RARB: variants seen among roughly 807,000 people sequenced by gnomAD.
RARB encodes retinoic acid receptor beta, also known as HBV-activated protein.
RARB carries 17 observed loss-of-function variants against 51.9 expected under a neutral mutation model. That is an observed-to-expected ratio of 0.33 (90% CI 0.22 to 0.49). The LOEUF (loss-of-function observed/expected upper bound fraction) is 0.49, where lower values mean the gene tolerates loss of function less well. Ranked by LOEUF, RARB falls within the 20% of genes least tolerant of loss-of-function variation. The pLI is 0.99. For missense variants in RARB, 369 were observed against 550.8 expected, an observed-to-expected ratio of 0.67 and a Z score of 3.30; for synonymous variants, 215 against 195.4, an observed-to-expected ratio of 1.10 and a Z score of -0.84.
At position 25,023,788 on chromosome 3, in the gene RARB, A is replaced by T. The variant is rs529236605; in HGVS notation, c.-379-36337A>T. On this transcript the variant is annotated intron_variant, in intron 2 of 11. Coordinates refer to the RARB transcript ENST00000383772. ...AATAGATTAGAGCGGCTATCTAAACAGTTATTCAAATGACAACATAACAAT... is the reference window on the plus strand; with the variant it reads ...AATAGATTAGAGCGGCTATCTAAACTGTTATTCAAATGACAACATAACAAT... Among the ~76,000 whole-genome samples the T allele has an allele frequency of 4.6e-5, 7 of 152,340 alleles. No individual in the cohort carries two copies. In the South Asian group the frequency reaches 1.0e-3, roughly 23 times the overall value.
chr3:25,494,596 C>G (rs540067984), intron 2 of RARB, among the ~76,000 whole-genome samples: 6 of 152,310 alleles, frequency 3.9e-5, no homozygotes, highest in East Asian at 1.9e-4. Flanking sequence ...ATAGTGTTCA[C>G]TTGACTTACT....
rs961036633 is a variant in RARB at position 25,459,412 on chromosome 3, C to T, written c.158-1781C>T. Among the ~76,000 whole-genome samples, 12 of 152,040 alleles carry T rather than the reference C, an allele frequency of 7.9e-5. 1 individual carries two copies. The South Asian group carries it at 1.7e-3, about 21-fold the overall frequency. ...GAAGGAAATGATGCTGCTAAAATGC[C>T]GTGTGATGAAAAGTCTTGTAGAACA... On this transcript the variant is annotated intron_variant, in intron 1 of 7. Coordinates refer to ENST00000330688, the MANE Select transcript of RARB (RefSeq NM_000965.5).
intron 5 of RARB, among the ~76,000 whole-genome samples, chr3:25,196,073 AT>A (rs1053303854): frequency 2.8e-4 from 43 of 151,780 alleles, no homozygotes; most frequent in African/African-American, 1.0e-3. Flanking sequence ...CAGCTCTAAA[AT>A]TTTTTTACTT....
intron 5 of RARB, among the ~76,000 whole-genome samples, chr3:25,225,104 C>T (rs1443927159): frequency 6.6e-6 from 1 of 151,846 alleles, no homozygotes; most frequent in Non-Finnish European, 1.5e-5. Flanking sequence ...TTCGGGGTGC[C>T]CTTACCACTA....
intron 3 of RARB, among the ~76,000 whole-genome samples, chr3:25,079,863 C>T (rs1410649891): frequency 6.6e-6 from 1 of 152,134 alleles, no homozygotes; most frequent in Non-Finnish European, 1.5e-5. Flanking sequence ...GTTTTCTTAA[C>T]AGGATTATCC....
At chr3:24,934,579 T>C (rs763885825) in intron 2 of RARB, among the ~76,000 whole-genome samples, 2 of 152,222 alleles carry the variant, frequency 1.3e-5, no homozygotes, top group African/African-American at 4.8e-5. Flanking sequence ...TTTTGTAGTT[T>C]TATGCATGAG....
At chr3:25,069,775 C>T (rs150538587) in intron 3 of RARB, among the ~76,000 whole-genome samples, 5 of 152,256 alleles carry the variant, frequency 3.3e-5, no homozygotes, top group African/African-American at 1.2e-4. Flanking sequence ...TGTCTTGACC[C>T]TTCAGTAGCA....
At chr3:25,435,759 C>T (rs1708407381) in intron 1 of RARB, among the ~76,000 whole-genome samples, 2 of 151,990 alleles carry the variant, frequency 1.3e-5, no homozygotes, top group Non-Finnish European at 2.9e-5. Context: ...ATCAGATAAA[C>T]AACAAATAAT....
intron 2 of RARB, among the ~76,000 whole-genome samples, chr3:25,463,759 CAT>C (rs1457738970): frequency 2.0e-5 from 3 of 151,546 alleles, no homozygotes; most frequent in Admixed American, 6.6e-5. Flanking sequence ...TTTAAATAAA[CAT>C]ATGTATTATG....
chr3:24,950,760 A>G (rs990112460), intron 2 of RARB, among the ~76,000 whole-genome samples: 5 of 152,108 alleles, frequency 3.3e-5, no homozygotes, highest in Admixed American at 6.6e-5. Context: ...AGGATATCAT[A>G]TAAATATTAT....
intron 5 of RARB, chr3:25,324,260 G>C (rs1468243885): frequency 6.1e-6 from 1 of 164,146 alleles, no homozygotes; most frequent in Non-Finnish European, 1.3e-5. Context: ...AGTTGAAGAA[G>C]CTCAAGAAGG....
chr3:24,907,367 C>CATAG (rs1694889480), intron 2 of RARB, among the ~76,000 whole-genome samples: 1 of 152,116 alleles, frequency 6.6e-6, no homozygotes, highest in Non-Finnish European at 1.5e-5. Flanking sequence ...TGGCCTAGGG[C>CATAG]CACACTTAGT....
At chr3:24,846,519 C>T in intron 1 of RARB, among the ~76,000 whole-genome samples, 1 of 152,198 alleles carries the variant, frequency 6.6e-6, no homozygotes, top group East Asian at 1.9e-4. Flanking sequence ...AGGGAATATG[C>T]TCTTCCTTAG....
intron 5 of RARB, among the ~76,000 whole-genome samples, chr3:25,331,563 A>G (rs1042769894): frequency 3.7e-4 from 57 of 152,236 alleles, no homozygotes; most frequent in Non-Finnish European, 6.5e-4. Context: ...AATGCCCACA[A>G]GAGAAAGCAG....
At chr3:25,288,461 C>G (rs770036766) in intron 5 of RARB, among the ~76,000 whole-genome samples, 1 of 152,114 alleles carries the variant, frequency 6.6e-6, no homozygotes, top group Non-Finnish European at 1.5e-5. Flanking sequence ...TTCTTTGGTG[C>G]AGAACGTTCT....
intron 5 of RARB, among the ~76,000 whole-genome samples, chr3:25,378,508 A>C (rs1174957533): frequency 6.6e-6 from 1 of 152,244 alleles, no homozygotes; most frequent in Non-Finnish European, 1.5e-5. Flanking sequence ...ATTCTATTTA[A>C]ACTTTGTAAA....
chr3:25,439,608 G>A (rs897701920), intron 1 of RARB, among the ~76,000 whole-genome samples: 1 of 152,196 alleles, frequency 6.6e-6, no homozygotes, highest in Middle Eastern at 3.4e-3. Flanking sequence ...ATGTTGCCCA[G>A]GCTGGTCTTA....
intron 1 of RARB, among the ~76,000 whole-genome samples, chr3:24,848,313 G>A (rs942487703): frequency 1.3e-5 from 2 of 152,070 alleles, no homozygotes; most frequent in Non-Finnish European, 2.9e-5. Context: ...TGCATGCCTC[G>A]GCTTCCCAAA....
intron 4 of RARB, among the ~76,000 whole-genome samples, chr3:25,151,239 C>G (rs532985796): frequency 6.6e-6 from 1 of 152,322 alleles, no homozygotes; most frequent in African/African-American, 2.4e-5. Context: ...GTTAGAGTTA[C>G]AGTATGAGGG....
Sources: gnomAD v4.1 joint callset for allele counts (sites outside exome capture counted in the v4.1 genomes callset) on GRCh38, gnomAD v4.1.1 for gene constraint, MANE v1.5 for transcripts, NCBI Gene and HGNC (gene_info 2026-07-23, HGNC 2026-07-21) for gene names.